USP15: variants seen among roughly 807,000 people sequenced by gnomAD.
USP15 encodes the protein ubiquitin carboxyl-terminal hydrolase 15.
USP15 carries 18 observed loss-of-function variants against 127.1 expected under a neutral mutation model. The observed-to-expected ratio is 0.14, with a 90% CI of 0.10 to 0.21. USP15 has a LOEUF of 0.21. Ranked by LOEUF, USP15 falls within the 10% of genes least tolerant of loss-of-function variation. The probability of loss-of-function intolerance (pLI) is 1.00; values close to 1 mark genes in which losing one functional copy is unlikely to be tolerated. For synonymous variants in USP15, 364 were observed against 393.7 expected (o/e 0.92, Z 0.89); for missense variants, 805 against 1,159.9 (o/e 0.69, Z 4.44).
intron 6 of USP15, among the ~76,000 whole-genome samples, chr12:62,341,398 T>G (rs555896693): frequency 6.6e-6 from 1 of 152,360 alleles, no homozygotes; most frequent in African/African-American, 2.4e-5. Flanking sequence ...AATATTGTTA[T>G]GTGTGAATTT....
At position 62,389,652 on chromosome 12, in the gene USP15, T is replaced by C. The variant is rs751713271; in HGVS notation, c.1605T>C (p.Ala535=). ...ATCATAGATTTCACAGAATATTCGC[T>C]ATGGATGAAAACCTTAGTAGTATTA... ...IYNHRFHRIF[A]MDENLSSIME... The change falls in exon 13 of 22, where the codon GCT becomes GCC. Residue 535 remains alanine, a synonymous_variant. Transcript: ENST00000280377. 5 of 1,613,366 alleles carry C rather than the reference T, an allele frequency of 3.1e-6. No individual in the cohort carries two copies. Among genetic ancestry groups the C allele is most frequent in the South Asian group, 1.1e-5 (1 of 91,048 alleles).
rs1317676515 is a variant in USP15, at chr12:62,408,613, A to T, written c.*4238A>T. Reference sequence around the variant, plus strand: ...AACTTAACATGAGGAATTTGGAAACAACCTCTCTTGAAAATATATTGGTAT... The same window carrying T: ...AACTTAACATGAGGAATTTGGAAACTACCTCTCTTGAAAATATATTGGTAT... On this transcript the variant is annotated 3_prime_UTR_variant, in exon 22 of 22. Coordinates refer to ENST00000280377, the MANE Select transcript of USP15 (RefSeq NM_001252078.2). 1 of 152,170 alleles carries T rather than the reference A, an allele frequency of 6.6e-6. No homozygotes were observed. The highest frequency in any genetic ancestry group is 1.9e-4 in the East Asian group (1 of 5,200). 9.4% of individuals were successfully genotyped at this position (152,170 alleles called of 1,614,324 possible).
At chr12:62,261,734 C>G (rs2063065406) in intron 1 of USP15, among the ~76,000 whole-genome samples, 1 of 152,150 alleles carries the variant, frequency 6.6e-6, no homozygotes, top group Admixed American at 6.5e-5. Context: ...CTGCTCTTTA[C>G]TCCTGACAAA....
At chr12:62,307,508 A>G (rs1394673025) in intron 3 of USP15, among the ~76,000 whole-genome samples, 1 of 152,120 alleles carries the variant, frequency 6.6e-6, no homozygotes, top group African/African-American at 2.4e-5. Flanking sequence ...TGGGGGGCAG[A>G]AAACTTGTCT....
At chr12:62,338,929 C>T (rs2065566227) in intron 6 of USP15, among the ~76,000 whole-genome samples, 1 of 152,080 alleles carries the variant, frequency 6.6e-6, no homozygotes, top group African/African-American at 2.4e-5. Flanking sequence ...GTTATTTTTG[C>T]TTAGGACTGT....
chr12:62,265,630 TCAAACTCCTTGGCTCAAG>T (rs1276032159), intron 1 of USP15, among the ~76,000 whole-genome samples: 1 of 152,198 alleles, frequency 6.6e-6, no homozygotes, highest in African/African-American at 2.4e-5. Flanking sequence ...CACTGTAGCT[TCAAACTCCTTGGCTCAAG>T]CAATTTTCCT....
intron 8 of USP15, among the ~76,000 whole-genome samples, chr12:62,366,191 G>A (rs1381349638): frequency 6.6e-6 from 1 of 152,190 alleles, no homozygotes; most frequent in Non-Finnish European, 1.5e-5. Flanking sequence ...AGCATGGAAT[G>A]TTTTTCCATT....
In USP15 at chr12:62,396,256, G is replaced by A. The variant is rs1026239819; in HGVS notation, c.2571-39G>A. 12 of 1,507,568 alleles carry A rather than the reference G, an allele frequency of 8.0e-6. No individual in the cohort carries two copies. In the Admixed American group the frequency reaches 1.9e-4, roughly 24 times the overall value. The allele number at this position is 1,507,568 out of a possible 1,614,324, so 93.4% of individuals were successfully genotyped here. On this transcript the variant is annotated intron_variant, in intron 19 of 21. Transcript: ENST00000280377. ...AGGGAATAGAATTCATTGCATTTAG[G>A]GACAACATAAAAATTAACTTGGTTT...
At chr12:62,263,035 G>A (rs1450345442) in intron 1 of USP15, among the ~76,000 whole-genome samples, 1 of 152,136 alleles carries the variant, frequency 6.6e-6, no homozygotes, top group Non-Finnish European at 1.5e-5. Context: ...AAACAAAGTA[G>A]TAGAGAGCAA....
chr12:62,333,746 A>G (rs757305613), intron 6 of USP15, among the ~76,000 whole-genome samples: 29 of 152,168 alleles, frequency 1.9e-4, no homozygotes, highest in Admixed American at 5.9e-4. Flanking sequence ...TTAGGTTACA[A>G]TTAAAGGGAA....
chr12:62,286,837 T>G (rs1202675233), intron 1 of USP15, among the ~76,000 whole-genome samples: 1 of 151,368 alleles, frequency 6.6e-6, no homozygotes, highest in African/African-American at 2.4e-5. Context: ...CTCGGAAGGC[T>G]GAGGCAGGGG....
At chr12:62,360,903 A>G (rs1253690368) in intron 8 of USP15, among the ~76,000 whole-genome samples, 1 of 151,924 alleles carries the variant, frequency 6.6e-6, no homozygotes, top group Non-Finnish European at 1.5e-5. Context: ...CATCAAAAAT[A>G]TATTCAATCC....
chr12:62,278,554 A>G (rs182976540), intron 1 of USP15: 1 of 152,254 alleles, frequency 6.6e-6, no homozygotes, highest in Admixed American at 6.5e-5. Flanking sequence ...TCATTAAGCA[A>G]AAGGGCTTTT....
chr12:62,401,327 G>C, intron 21 of USP15, 52 bp downstream of exon 21: 1 of 1,432,830 alleles, frequency 7.0e-7, no homozygotes, highest in South Asian at 1.2e-5. Flanking sequence ...GTCTTAAGGA[G>C]TGAATATAAA....
chr12:62,359,565 T>G (rs1361103157), intron 8 of USP15, among the ~76,000 whole-genome samples: 1 of 152,166 alleles, frequency 6.6e-6, no homozygotes, highest in Non-Finnish European at 1.5e-5. Flanking sequence ...GCAGAATGAC[T>G]CTGGAAAGAT....
At chr12:62,389,579 C>T (rs1205574392) in intron 12 of USP15, 26 bp from the exon 13 acceptor site, 2 of 1,609,610 alleles carry the variant, frequency 1.2e-6, no homozygotes, top group East Asian at 4.5e-5. Flanking sequence ...GTAAAACCAG[C>T]TTAATAGAAA....
intron 1 of USP15, among the ~76,000 whole-genome samples, 162 bp downstream of exon 1, chr12:62,260,665 T>C (rs1209064045): frequency 1.3e-5 from 2 of 151,994 alleles, no homozygotes; most frequent in Non-Finnish European, 2.9e-5. Flanking sequence ...GGGGCAAAGG[T>C]TGGACTCTAG....
intron 6 of USP15, chr12:62,336,411 C>G (rs893327518): frequency 7.0e-5 from 69 of 985,310 alleles, no homozygotes; most frequent in Non-Finnish European, 7.8e-5. Flanking sequence ...TGAGTTCCTC[C>G]TCCAGCCTTT....
chr12:62,370,878 C>T (rs974402118), intron 8 of USP15, among the ~76,000 whole-genome samples: 4 of 152,062 alleles, frequency 2.6e-5, no homozygotes, highest in African/African-American at 9.7e-5. Context: ...ATTTTATTTC[C>T]TACACTTTCT....
Sources: allele counts gnomAD v4.1 joint callset (sites outside exome capture counted in the v4.1 genomes callset), GRCh38; gene constraint gnomAD v4.1.1; transcripts MANE v1.5; gene names NCBI Gene and HGNC (gene_info 2026-07-23, HGNC 2026-07-21).